The following NXPE2 variants were observed in gnomAD, a reference collection of about 807,000 sequenced individuals.
NXPE2 encodes neurexophilin and PC-esterase domain family member 2.
A neutral mutation model predicts 34.4 loss-of-function variants in NXPE2; 34 were observed. That is an observed-to-expected ratio of 0.99 (90% CI 0.75 to 1.31). The LOEUF is 1.31. Ranked by LOEUF, NXPE2 falls within the 40% of genes most tolerant of loss-of-function variation. The pLI is 0.00. For synonymous variants in NXPE2, 235 were observed against 231.3 expected (o/e 1.02, Z -0.15); for missense variants, 649 against 672.5 (o/e 0.97, Z 0.39).
chr11:114,676,364 G>A (rs1413998848), upstream of NXPE2, among the ~76,000 whole-genome samples: 3 of 151,136 alleles, frequency 2.0e-5, no homozygotes, highest in African/African-American at 4.9e-5. Context: ...CATCTGATAA[G>A]GAATTAATAT....
the NXPE2 span, among the ~76,000 whole-genome samples, chr11:114,668,840 C>A: frequency 1.3e-5 from 2 of 152,006 alleles, no homozygotes; most frequent in Admixed American, 1.3e-4. Flanking sequence ...TGGACAAAAT[C>A]ATCAAAAACA....
chr11:114,562,656 T>C, the NXPE2 span, among the ~76,000 whole-genome samples: 1 of 152,218 alleles, frequency 6.6e-6, no homozygotes, highest in African/African-American at 2.4e-5. Flanking sequence ...AGAGTCAAGT[T>C]GACTTTACAG....
chr11:114,566,406 C>G, the NXPE2 span, among the ~76,000 whole-genome samples: 1 of 152,080 alleles, frequency 6.6e-6, no homozygotes, highest in Non-Finnish European at 1.5e-5. Flanking sequence ...ATCTGTGGCA[C>G]AGAAACAAAG....
the NXPE2 span, among the ~76,000 whole-genome samples, chr11:114,798,873 G>A: frequency 1.3e-5 from 2 of 152,110 alleles, no homozygotes; most frequent in African/African-American, 2.4e-5. Flanking sequence ...TCCCAGGCCC[G>A]GGTTCTGTCT....
chr11:114,799,729 A>G, the NXPE2 span, among the ~76,000 whole-genome samples: 1 of 152,246 alleles, frequency 6.6e-6, no homozygotes, highest in Non-Finnish European at 1.5e-5. Context: ...CCTCAGTGCC[A>G]GAGCTTCAAC....
the NXPE2 span, among the ~76,000 whole-genome samples, chr11:114,516,376 A>C: frequency 1.3e-5 from 2 of 152,170 alleles, no homozygotes; most frequent in African/African-American, 2.4e-5. Context: ...ATTTAACTCT[A>C]TCCGTCTTGC....
the NXPE2 span, among the ~76,000 whole-genome samples, chr11:114,558,156 TTTATAA>T: frequency 0.38 from 57,747 of 151,714 alleles, 11,306 homozygotes; most frequent in East Asian, 0.66. Context: ...ATAAATTTTA[TTTATAA>T]TTATAAATAT....
chr11:114,765,520 A>G, the NXPE2 span, among the ~76,000 whole-genome samples: 2 of 152,162 alleles, frequency 1.3e-5, no homozygotes, highest in African/African-American at 4.8e-5. Flanking sequence ...TGGGAAACCA[A>G]AAAAAAGTGT....
chr11:114,629,004 A>G, the NXPE2 span, among the ~76,000 whole-genome samples: 3 of 152,100 alleles, frequency 2.0e-5, no homozygotes, highest in Admixed American at 2.0e-4. Flanking sequence ...GACCAATAAC[A>G]GGCTCTGAAA....
the NXPE2 span, among the ~76,000 whole-genome samples, chr11:114,730,368 G>A: frequency 4.6e-5 from 7 of 152,120 alleles, no homozygotes; most frequent in East Asian, 3.9e-4. Context: ...CTTTAGGATC[G>A]CTTTGGCTAC....
the NXPE2 span, among the ~76,000 whole-genome samples, chr11:114,783,277 G>A: frequency 3.3e-5 from 5 of 152,266 alleles, no homozygotes; most frequent in South Asian, 2.1e-4. Context: ...TTTGCAGGGC[G>A]TTAATGTTCA....
At chr11:114,568,183 A>G in the NXPE2 span, among the ~76,000 whole-genome samples, 1 of 152,182 alleles carries the variant, frequency 6.6e-6, no homozygotes, top group Non-Finnish European at 1.5e-5. Flanking sequence ...ACAAACATAT[A>G]TCTTCTTTTT....
chr11:114,588,903 G>GA, the NXPE2 span, among the ~76,000 whole-genome samples: 1 of 152,152 alleles, frequency 6.6e-6, no homozygotes, highest in African/African-American at 2.4e-5. Context: ...GGAAACTACA[G>GA]AAGTAGGCTA....
the NXPE2 span, among the ~76,000 whole-genome samples, chr11:114,598,673 G>A: frequency 6.6e-6 from 1 of 151,932 alleles, no homozygotes; most frequent in Non-Finnish European, 1.5e-5. Context: ...GCCTCTTTGA[G>A]CCATGGCTGG....
the NXPE2 span, among the ~76,000 whole-genome samples, chr11:114,726,863 T>C: frequency 6.6e-6 from 1 of 152,174 alleles, no homozygotes; most frequent in East Asian, 1.9e-4. Flanking sequence ...TAGTTTCCAA[T>C]AACATGTTCC....
chr11:114,464,751 A>G, the NXPE2 span, among the ~76,000 whole-genome samples: 8 of 152,188 alleles, frequency 5.3e-5, no homozygotes, highest in Non-Finnish European at 1.0e-4. Flanking sequence ...TTTTCTCTAA[A>G]TCTACCATAA....
chr11:114,503,777 C>G, the NXPE2 span, among the ~76,000 whole-genome samples: 3 of 152,202 alleles, frequency 2.0e-5, no homozygotes, highest in Non-Finnish European at 2.9e-5. Flanking sequence ...GAACACTGCT[C>G]TCTAGTTTGA....
the NXPE2 span, among the ~76,000 whole-genome samples, chr11:114,740,068 T>G: frequency 3.1e-3 from 471 of 152,294 alleles, 6 homozygotes; most frequent in African/African-American, 0.01. Context: ...TGTACATAAT[T>G]GCCTATGATA....
the NXPE2 span, among the ~76,000 whole-genome samples, chr11:114,649,325 G>A: frequency 6.6e-6 from 1 of 152,124 alleles, no homozygotes; most frequent in Non-Finnish European, 1.5e-5. Flanking sequence ...AAAAATTAGA[G>A]AAAATCTAAT....
Sources: gnomAD v4.1 joint callset for allele counts (sites outside exome capture counted in the v4.1 genomes callset) on GRCh38, gnomAD v4.1.1 for gene constraint, MANE v1.5 for transcripts, NCBI Gene and HGNC (gene_info 2026-07-23, HGNC 2026-07-21) for gene names.